MYO16: variants seen among roughly 807,000 people sequenced by gnomAD.
MYO16 encodes myosin XVI, also known as unconventional myosin-XVI.
In MYO16, 94 loss-of-function variants were observed where a neutral mutation model predicts 205.3. The observed-to-expected ratio is 0.46, with a 90% confidence interval of 0.39 to 0.54. The LOEUF is 0.54. Ranked by LOEUF, MYO16 falls within the 20% of genes least tolerant of loss-of-function variation. MYO16 has a pLI of 0.00. For synonymous variants in MYO16, 988 were observed against 954.0 expected, an observed-to-expected ratio of 1.04 and a Z score of -0.66; for missense variants, 2,315 against 2,387.5, an observed-to-expected ratio of 0.97 and a Z score of 0.63.
At chr13:108,933,925 A>G (rs752943871) in intron 16 of MYO16, among the ~76,000 whole-genome samples, 1 of 152,154 alleles carries the variant, frequency 6.6e-6, no homozygotes, top group Non-Finnish European at 1.5e-5. Flanking sequence ...TGCAAAGGCC[A>G]TGATTTCATT....
At chr13:109,082,053 G>T (rs1472132741) in intron 27 of MYO16, among the ~76,000 whole-genome samples, 2 of 152,190 alleles carry the variant, frequency 1.3e-5, no homozygotes, top group Non-Finnish European at 2.9e-5. Flanking sequence ...TGAAGCAGTT[G>T]CTATCTGGCT....
chr13:108,642,204 C>A (rs1042011754), intron 1 of MYO16, among the ~76,000 whole-genome samples: 6 of 152,154 alleles, frequency 3.9e-5, no homozygotes, highest in African/African-American at 1.4e-4. Flanking sequence ...CCCAACTATA[C>A]AATCAGCTCT....
chr13:108,727,377 A>C lies in MYO16; in HGVS notation c.364-63A>C. 6 of 1,522,678 alleles carry C rather than the reference A, an allele frequency of 3.9e-6. No homozygotes were observed. The South Asian group carries it at 6.1e-5, about 16-fold the overall frequency. 94.3% of individuals were successfully genotyped at this position (1,522,678 alleles called of 1,614,324 possible). A position where few individuals can be genotyped will look rare whatever the true frequency, so the allele number is the denominator to read the frequency against. On this transcript the variant is annotated intron_variant, in intron 3 of 34. Transcript: ENST00000457511. ...GAAGTTTTTTTTTAAATCTGTGGACATTTGGAATAAGCCATATCACAGTTT... is the reference window on the plus strand; with the variant it reads ...GAAGTTTTTTTTTAAATCTGTGGACCTTTGGAATAAGCCATATCACAGTTT...
chr13:108,888,797 A>G lies in MYO16; in HGVS notation c.1659+320A>G, dbSNP rs372008878. On this transcript the variant is annotated intron_variant, in intron 14 of 34. Coordinates refer to ENST00000457511, the MANE Select transcript of MYO16 (RefSeq NM_001198950.3). ...AGGCTGAGCGCAGGGGCTCACGACT[A>G]TAATCCCAGCACTCTGGGAGGCCGA... 7.2e-5 allele frequency among the ~76,000 whole-genome samples: 11 copies of G among 152,240 alleles called. No individual in the cohort carries two copies. In the South Asian group the frequency reaches 1.0e-3, roughly 14 times the overall value.
chr13:108,571,884 C>T, the MYO16 span, among the ~76,000 whole-genome samples: 5 of 151,102 alleles, frequency 3.3e-5, no homozygotes, highest in African/African-American at 1.2e-4. Context: ...ACTGACACAA[C>T]CCCCACATCA....
chr13:108,659,133 G>T (rs1029426404), intron 1 of MYO16, among the ~76,000 whole-genome samples: 1 of 148,174 alleles, frequency 6.7e-6, no homozygotes, highest in African/African-American at 2.5e-5. Flanking sequence ...ATAATGTCTC[G>T]ACATCATGAC....
At chr13:108,669,113 A>C (rs1395081493) in intron 2 of MYO16, among the ~76,000 whole-genome samples, 1 of 152,060 alleles carries the variant, frequency 6.6e-6, no homozygotes, top group Non-Finnish European at 1.5e-5. Context: ...GTTTAGGTAA[A>C]ACGATACGAA....
At chr13:108,570,423 A>G in the MYO16 span, among the ~76,000 whole-genome samples, 1 of 151,994 alleles carries the variant, frequency 6.6e-6, no homozygotes, top group East Asian at 1.9e-4. Context: ...TAATTTTTAA[A>G]TTTTTCATAG....
chr13:108,675,381 C>A (rs1309604453), intron 2 of MYO16, among the ~76,000 whole-genome samples: 1 of 152,112 alleles, frequency 6.6e-6, no homozygotes, highest in Non-Finnish European at 1.5e-5. Flanking sequence ...TGCCCATTTC[C>A]AAATCAGATA....
chr13:109,035,261 C>T (rs560936275), intron 23 of MYO16, among the ~76,000 whole-genome samples: 2 of 152,160 alleles, frequency 1.3e-5, no homozygotes, highest in South Asian at 4.2e-4. Flanking sequence ...AATGCTAACT[C>T]CCCTAAGAAA....
At chr13:109,101,004 G>T in intron 28 of MYO16, 117 bp downstream of exon 28, 3 of 816,518 alleles carry the variant, frequency 3.7e-6, no homozygotes, top group Non-Finnish European at 5.9e-6. Context: ...GATGTGTTTG[G>T]CAAGGCGTGA....
At chr13:108,869,638 G>A (rs2139133565) in intron 12 of MYO16, among the ~76,000 whole-genome samples, 1 of 146,492 alleles carries the variant, frequency 6.8e-6, no homozygotes, top group East Asian at 2.0e-4. Context: ...GGCTGAGGCA[G>A]CAGAATGGCG....
chr13:108,639,958 A>G (rs183122036), intron 1 of MYO16, among the ~76,000 whole-genome samples: 1 of 152,366 alleles, frequency 6.6e-6, no homozygotes, highest in Admixed American at 6.5e-5. Context: ...TAAGTTTCAG[A>G]TGGGAAGAGC....
At chr13:108,613,151 G>GT (rs1371449163) in intron 1 of MYO16, among the ~76,000 whole-genome samples, 1 of 152,098 alleles carries the variant, frequency 6.6e-6, no homozygotes, top group African/African-American at 2.4e-5. Flanking sequence ...GAGGGCTAAA[G>GT]TTTAATTAAA....
intron 3 of MYO16, among the ~76,000 whole-genome samples, chr13:108,714,347 G>A (rs912589761): frequency 7.2e-5 from 11 of 152,304 alleles, no homozygotes; most frequent in Admixed American, 4.6e-4. Context: ...GAGCCACCGT[G>A]CCCGCCCATA....
chr13:109,066,171 C>T (rs990416951), intron 27 of MYO16, among the ~76,000 whole-genome samples: 7 of 152,176 alleles, frequency 4.6e-5, no homozygotes, highest in African/African-American at 1.7e-4. Context: ...TTAAAGCTAA[C>T]GGACAGTGGC....
At chr13:108,835,720 G>GT (rs532561882) in intron 9 of MYO16, among the ~76,000 whole-genome samples, 139 of 152,292 alleles carry the variant, frequency 9.1e-4, no homozygotes, top group African/African-American at 3.1e-3. Context: ...TGAGGAACTT[G>GT]TTGGGAACTG....
intron 13 of MYO16, among the ~76,000 whole-genome samples, chr13:108,885,548 A>C (rs1390442026): frequency 6.6e-6 from 1 of 152,198 alleles, no homozygotes; most frequent in Non-Finnish European, 1.5e-5. Flanking sequence ...AAATAGGGAA[A>C]ACTTTTTAAA....
intron 4 of MYO16, among the ~76,000 whole-genome samples, chr13:108,729,789 C>A (rs1031979603): frequency 1.3e-5 from 2 of 151,736 alleles, no homozygotes; most frequent in Non-Finnish European, 2.9e-5. Context: ...TTCCCTTCCT[C>A]CATTCTGAAT....
Sources: gnomAD v4.1 joint callset for allele counts (sites outside exome capture counted in the v4.1 genomes callset) on GRCh38, gnomAD v4.1.1 for gene constraint, MANE v1.5 for transcripts, NCBI Gene and HGNC (gene_info 2026-07-23, HGNC 2026-07-21) for gene names.